Variants in SCAPER observed in about 807,000 individuals in gnomAD.
The protein encoded by SCAPER is S-phase cyclin A associated protein in the ER.
SCAPER carries 98 observed loss-of-function variants against 182.2 expected under a neutral mutation model. The ratio of observed to expected loss-of-function variants is 0.54; its 90% CI spans 0.46 to 0.64. The LOEUF (loss-of-function observed/expected upper bound fraction) is 0.64. SCAPER is among the 30% of genes least tolerant of loss of function. The pLI, the probability that SCAPER is intolerant of heterozygous loss-of-function variation, is 0.00. For synonymous variants in SCAPER, 605 were observed against 564.6 expected (o/e 1.07, Z -1.01); for missense variants, 1,432 against 1,690.0 (o/e 0.85, Z 2.68).
chr15:76,549,749 C>CAAA (rs61165013), intron 23 of SCAPER, among the ~76,000 whole-genome samples: 237 of 151,720 alleles, frequency 1.6e-3, no homozygotes, highest in Middle Eastern at 3.4e-3. Context: ...AGTGTAAAAA[C>CAAA]AAAAAAAAGG....
At position 76,615,431 on chromosome 15, in the gene SCAPER, CAA is replaced by C. The variant is rs887162629; in HGVS notation, c.2711+6331_2711+6332del. Among the ~76,000 whole-genome samples the C allele has an allele frequency of 3.4e-5, 5 of 147,580 alleles. No individual in the cohort carries two copies. The Admixed American group carries it at 3.4e-4, about 10-fold the overall frequency. ...ACTGCACTCTAGCTTGGCAACAGAGCAAGAGTCCATCTCAAAAACAAATGTGT... is the reference window on the plus strand; with the variant it reads ...ACTGCACTCTAGCTTGGCAACAGAGCGAGTCCATCTCAAAAACAAATGTGT... On this transcript the variant is annotated intron_variant, in intron 22 of 31. Transcript: ENST00000563290.
chr15:76,737,400 T>C (rs1439043861), intron 15 of SCAPER, among the ~76,000 whole-genome samples: 1 of 152,176 alleles, frequency 6.6e-6, no homozygotes, highest in East Asian at 1.9e-4. Context: ...GAGGTGGAGG[T>C]CTCAACAGTG....
At chr15:76,875,112 T>G (rs2073046044) in intron 2 of SCAPER, among the ~76,000 whole-genome samples, 1 of 152,168 alleles carries the variant, frequency 6.6e-6, no homozygotes, top group African/African-American at 2.4e-5. Context: ...CTGAAGAAAT[T>G]GAATCCCACA....
chr15:76,534,025 T>C (rs1351017320), intron 23 of SCAPER, among the ~76,000 whole-genome samples: 1 of 152,232 alleles, frequency 6.6e-6, no homozygotes, highest in East Asian at 1.9e-4. Context: ...CAGAGCAATA[T>C]ATAGCAACTA....
intron 23 of SCAPER, among the ~76,000 whole-genome samples, chr15:76,536,805 T>C (rs1160997408): frequency 6.6e-6 from 1 of 152,090 alleles, no homozygotes; most frequent in Non-Finnish European, 1.5e-5. Flanking sequence ...ATGATTCTAT[T>C]ATCTAGAAAA....
At chr15:76,753,662 C>T (rs2062232569) in intron 15 of SCAPER, 146 bp downstream of exon 15, 1 of 834,906 alleles carries the variant, frequency 1.2e-6, no homozygotes, top group Admixed American at 3.0e-5. Flanking sequence ...AATATTGCAC[C>T]TGGTAAGTTT....
rs562383826 is a variant in SCAPER at position 76,858,542 on chromosome 15, G to A, written c.125-663C>T. On this transcript the variant is annotated intron_variant, in intron 3 of 31. Coordinates refer to ENST00000563290, the MANE Select transcript of SCAPER (RefSeq NM_020843.4). ...GCAAATTACGTTTCACAGGGGTTTG[G>A]TGCACAGATTATTTTGTCACTCAGG... Among the ~76,000 whole-genome samples the A allele has an allele frequency of 1.4e-4, 21 of 152,132 alleles. No individual in the cohort carries two copies. In the South Asian group the frequency reaches 3.5e-3, roughly 26 times the overall value.
At chr15:76,658,911 A>C (rs539594984) in intron 21 of SCAPER, among the ~76,000 whole-genome samples, 1 of 152,342 alleles carries the variant, frequency 6.6e-6, no homozygotes, top group South Asian at 2.1e-4. Context: ...CATTTACAAT[A>C]ATCAACTCAA....
chr15:76,682,482 C>T (rs2057783697), intron 20 of SCAPER, among the ~76,000 whole-genome samples: 1 of 152,128 alleles, frequency 6.6e-6, no homozygotes, highest in African/African-American at 2.4e-5. Flanking sequence ...AAATCCTGCC[C>T]CACCCCTGCT....
At chr15:76,779,649 C>T (rs2063972190) in intron 8 of SCAPER, among the ~76,000 whole-genome samples, 2 of 151,604 alleles carry the variant, frequency 1.3e-5, no homozygotes, top group African/African-American at 4.8e-5. Context: ...GCAAGCTATT[C>T]CATAAAATAG....
chr15:76,672,512 A>AACTCAAT (rs1296958202), intron 20 of SCAPER, among the ~76,000 whole-genome samples: 1 of 152,150 alleles, frequency 6.6e-6, no homozygotes. Flanking sequence ...CTATCTTAAA[A>AACTCAAT]ACTCAATAAT....
At chr15:76,745,132 C>T (rs1423303785) in intron 15 of SCAPER, among the ~76,000 whole-genome samples, 3 of 151,966 alleles carry the variant, frequency 2.0e-5, no homozygotes, top group African/African-American at 7.3e-5. Context: ...CTGCAGACTA[C>T]TCGAAGTAGA....
At chr15:76,892,936 G>A (rs1050809831) in intron 1 of SCAPER, among the ~76,000 whole-genome samples, 5 of 150,596 alleles carry the variant, frequency 3.3e-5, no homozygotes, top group East Asian at 2.0e-4. Context: ...GTCCATCAAC[G>A]ATAGACTGGA....
At chr15:76,627,802 T>C (rs1055397590) in intron 21 of SCAPER, among the ~76,000 whole-genome samples, 1 of 152,184 alleles carries the variant, frequency 6.6e-6, no homozygotes. Flanking sequence ...TTTGGGTATA[T>C]ACCTAGTAAT....
intron 20 of SCAPER, among the ~76,000 whole-genome samples, chr15:76,691,555 G>A (rs572494343): frequency 1.3e-5 from 2 of 152,220 alleles, no homozygotes; most frequent in South Asian, 4.1e-4. Flanking sequence ...ACTGTATTAG[G>A]AATGGAAGCA....
chr15:76,455,769 T>C (rs1429883245), intron 25 of SCAPER, among the ~76,000 whole-genome samples: 1 of 152,204 alleles, frequency 6.6e-6, no homozygotes, highest in Admixed American at 6.5e-5. Flanking sequence ...CAACCTGTCA[T>C]CAAGGTTTTA....
At chr15:76,774,415 TA>T (rs1292721385) in intron 9 of SCAPER, 3 of 390,012 alleles carry the variant, frequency 7.7e-6, no homozygotes, top group South Asian at 3.9e-5. Context: ...AAATTCTATT[TA>T]AAAAAATTAT....
intron 15 of SCAPER, among the ~76,000 whole-genome samples, chr15:76,738,569 C>G (rs2061392754): frequency 6.7e-6 from 1 of 149,938 alleles, no homozygotes; most frequent in Admixed American, 6.6e-5. Context: ...TAGGAGGACA[C>G]TGTATGGTTA....
intron 17 of SCAPER, 54 bp from the exon 18 acceptor site, chr15:76,706,038 A>C: frequency 1.2e-3 from 1,640 of 1,344,746 alleles, no homozygotes; most frequent in Non-Finnish European, 1.5e-3. Flanking sequence ...AACAAATCTC[A>C]TGAGACTCAA....
Sources: gnomAD v4.1 joint callset for allele counts (sites outside exome capture counted in the v4.1 genomes callset) on GRCh38, gnomAD v4.1.1 for gene constraint, MANE v1.5 for transcripts, NCBI Gene and HGNC (gene_info 2026-07-23, HGNC 2026-07-21) for gene names.